Variants in POU5F2 observed in about 807,000 individuals in gnomAD.
POU5F2 encodes POU domain class 5, transcription factor 2.
For synonymous variants in POU5F2, 191 were observed against 178.7 expected (o/e 1.07, Z -0.55); for missense variants, 401 against 426.6 (o/e 0.94, Z 0.53).
Position 93,739,365 on chromosome 5 carries a change from G to T in POU5F2, c.*1212C>A, listed in dbSNP as rs973627581. 2 of 151,966 alleles carry T rather than the reference G, an allele frequency of 1.3e-5. No individual in the cohort carries two copies. The highest frequency in any genetic ancestry group is 6.6e-5 in the Admixed American group (1 of 15,258). The allele number at this position is 151,966 out of a possible 1,614,324, so 9.4% of individuals were successfully genotyped here. ...GAATGAAGTAAAAATTAATTAACTA[G>T]GGAATAAAAATTGTAGTAAGTAGAA... On this transcript the variant is annotated 3_prime_UTR_variant, in exon 1 of 1. Coordinates refer to ENST00000606183, the MANE Select transcript of POU5F2 (RefSeq NM_153216.2).
chr5:93,741,212 C>T lies in POU5F2; in HGVS notation c.352G>A (p.Asp118Asn). 6.2e-7 allele frequency: 1 copy of T among 1,613,872 alleles called. No individual in the cohort carries two copies. The highest frequency in any genetic ancestry group is 8.5e-7 in the Non-Finnish European group (1 of 1,179,884). ...RSIPKLPPPE[D>N]ISGILKELQQ... ...AACTCTTTCAGTATGCCCGAGATGT[C>T]CTCTGGCGGCGGCAACTTCGGAATG... The change falls in exon 1 of 1, where the codon GAC becomes AAC. Residue 118 changes from aspartate (D) to asparagine (N), a missense_variant. Asp to Asn is a conservative substitution (Grantham distance 23). Coordinates refer to ENST00000606183, the MANE Select transcript of POU5F2 (RefSeq NM_153216.2).
Position 93,740,918 on chromosome 5 carries a change from T to C in POU5F2, c.646A>G (p.Ser216Gly), listed in dbSNP as rs1748287997. The change falls in exon 1 of 1, where the codon AGC becomes GGC. Residue 216 changes from serine (S) to glycine (G), a missense_variant. Transcript: ENST00000606183. ...LQQSGKWRRA[S>G]RERRIGNSLE... ...CTGTTTCCGATTCGTCGCTCTCTGC[T>C]TGCCCGTCTCCACTTCCCAGACTGT... The C allele has an allele frequency of 6.2e-7, 1 of 1,614,006 alleles. No individual in the cohort carries two copies. Among genetic ancestry groups the C allele is most frequent in the Non-Finnish European group, 8.5e-7 (1 of 1,179,886 alleles).
Position 93,741,262 on chromosome 5 carries a change from G to C in POU5F2, c.302C>G (p.Pro101Arg), listed in dbSNP as rs550301121. The change falls in exon 1 of 1, where the codon CCG becomes CGG. Residue 101 changes from proline to arginine, a missense_variant. Physicochemically the swap from Pro to Arg is moderately radical, Grantham distance 103. Transcript: ENST00000606183. ...GCTCCGCAGGGCAATGTAGGGCCCC[G>C]GGAGGGCGCCTTCGGAGGGGCGTCG... ...WLRRPSEGALPGPYIALRSIP... is the reference protein window; with the variant it reads ...WLRRPSEGALRGPYIALRSIP... The C allele has an allele frequency of 1.4e-5, 23 of 1,613,848 alleles. No individual in the cohort carries two copies. In the South Asian group the frequency reaches 2.5e-4, roughly 18 times the overall value.
At chr5:93,740,753 CATTG>C in the POU5F2 span, 2 of 1,612,390 alleles carry the variant, frequency 1.2e-6, no homozygotes. Flanking sequence ...GGGGAAGCAT[CATTG>C]GTTGGTCGAC....
rs1330610337 is a variant in POU5F2, at chr5:93,735,181, C to T, written c.*5396G>A. On this transcript the variant is annotated 3_prime_UTR_variant, in exon 1 of 1. Coordinates refer to ENST00000606183, the MANE Select transcript of POU5F2 (RefSeq NM_153216.2). Reference sequence around the variant, plus strand: ...GTAGTTATTCTTCTGTTTAAGGGATCTTCTGATTAAAGTTTCTACATATCA... The same window carrying T: ...GTAGTTATTCTTCTGTTTAAGGGATTTTCTGATTAAAGTTTCTACATATCA... 2 of 152,170 alleles carry T rather than the reference C, an allele frequency of 1.3e-5. No homozygotes were observed. The highest frequency in any genetic ancestry group is 2.9e-5 in the Non-Finnish European group (2 of 68,038). 9.4% of individuals were successfully genotyped at this position (152,170 alleles called of 1,614,324 possible).
Position 93,735,061 on chromosome 5 carries a change from T to C in POU5F2, c.*5516A>G, listed in dbSNP as rs958048089. 7 of 152,268 alleles carry C rather than the reference T, an allele frequency of 4.6e-5. No individual in the cohort carries two copies. Among genetic ancestry groups the C allele is most frequent in the African/African-American group, 1.7e-4 (7 of 41,466 alleles). 9.4% of individuals were successfully genotyped at this position (152,268 alleles called of 1,614,324 possible). On this transcript the variant is annotated 3_prime_UTR_variant, in exon 1 of 1. Transcript: ENST00000606183. ...CATGAGCCACCGCACCTGGCCAATG[T>C]ATCTTGGTTGATTTCTTATGTTACT...
Position 93,741,415 on chromosome 5 carries a change from A to C in POU5F2, c.149T>G (p.Val50Gly). Residue 50 changes from valine to glycine, a missense_variant, in exon 1 of 1, where the codon GTC (valine) becomes GGC (glycine). By Grantham distance (109) the Val-to-Gly change is moderately radical. Coordinates refer to ENST00000606183, the MANE Select transcript of POU5F2 (RefSeq NM_153216.2). Reference sequence around the variant, plus strand: ...AGGGCCTGGGCAGATCCCTGGCCTGACTGCCGGCCAGACCATCACCCTGCC... The same window carrying C: ...AGGGCCTGGGCAGATCCCTGGCCTGCCTGCCGGCCAGACCATCACCCTGCC... ...APGRVMVWPA[V>G]RPGICPGPDV... 1 of 1,613,342 alleles carries C rather than the reference A, an allele frequency of 6.2e-7. No individual in the cohort carries two copies. Among genetic ancestry groups the C allele is most frequent in the South Asian group, 1.1e-5 (1 of 91,062 alleles).
rs369080417 is a variant in POU5F2, at chr5:93,740,823, G to C, written c.741C>G (p.Leu247=). The C allele has an allele frequency of 6.2e-7, 1 of 1,613,828 alleles. No individual in the cohort carries two copies. The highest frequency in any genetic ancestry group is 2.2e-5 in the East Asian group (1 of 44,874). Residue 247 remains leucine (L), a synonymous_variant, in exon 1 of 1, where the codon CTC becomes CTG. Transcript: ENST00000606183. The stretch of plus-strand genomic sequence containing the variant: ...CTCGAACCACATCCTTCTGCAGCTG[G>C]AGGCACCCAGCAATGTGGCTGATTT... ...PQQISHIAGC[L]QLQKDVVRVW... is the part of the protein sequence containing the mutation.
Position 93,741,368 on chromosome 5 carries a change from C to G in POU5F2, c.196G>C (p.Gly66Arg). Residue 66 changes from glycine (G) to arginine (R), a missense_variant, in exon 1 of 1, where the codon GGT becomes CGT. Gly to Arg is a moderately radical substitution (Grantham distance 125). Transcript: ENST00000606183. ...CCCCGGAATTCGTGTGGCAGGGGACCCAGGGGAATCCTCCACACGTCAGGG... is the reference window on the plus strand; with the variant it reads ...CCCCGGAATTCGTGTGGCAGGGGACGCAGGGGAATCCTCCACACGTCAGGG... ...PGPDVWRIPL[G>R]PLPHEFRGWI... The G allele has an allele frequency of 6.2e-7, 1 of 1,611,690 alleles. No individual in the cohort carries two copies. The highest frequency in any genetic ancestry group is 8.5e-7 in the Non-Finnish European group (1 of 1,178,722).
chr5:93,738,613 A>G lies in POU5F2; in HGVS notation c.*1964T>C, dbSNP rs1430657801. On this transcript the variant is annotated 3_prime_UTR_variant, in exon 1 of 1. Transcript: ENST00000606183. ...ATGTGGTATATATCCATACAATGGA[A>G]TATTATTCAGTCATAAAAAAGGAAT... The G allele has an allele frequency of 1.3e-5, 2 of 152,262 alleles. No homozygotes were observed. Among genetic ancestry groups the G allele is most frequent in the African/African-American group, 4.8e-5 (2 of 41,474 alleles). 9.4% of individuals were successfully genotyped at this position (152,262 alleles called of 1,614,324 possible). A position where few individuals can be genotyped will look rare whatever the true frequency, so the allele number is the denominator to read the frequency against.
Position 93,736,944 on chromosome 5 carries a change from T to C in POU5F2, c.*3633A>G, listed in dbSNP as rs1747341876. 1 of 152,148 alleles carries C rather than the reference T, an allele frequency of 6.6e-6. No individual in the cohort carries two copies. The highest frequency in any genetic ancestry group is 2.4e-5 in the African/African-American group (1 of 41,438). 9.4% of individuals were successfully genotyped at this position (152,148 alleles called of 1,614,324 possible). On this transcript the variant is annotated 3_prime_UTR_variant, in exon 1 of 1. Coordinates refer to ENST00000606183, the MANE Select transcript of POU5F2 (RefSeq NM_153216.2). ...CTTTTATACAACACAGTACTACACA[T>C]TTTTGCCAGAGCAAGTGAGTAAGAA...
rs573289574 is a variant in POU5F2, at chr5:93,733,606, A to G, written c.*6971T>C. 1 of 152,312 alleles carries G rather than the reference A, an allele frequency of 6.6e-6. No homozygotes were observed. Among genetic ancestry groups the G allele is most frequent in the Non-Finnish European group, 1.5e-5 (1 of 68,018 alleles). 9.4% of individuals were successfully genotyped at this position (152,312 alleles called of 1,614,324 possible). A position where few individuals can be genotyped will look rare whatever the true frequency, so the allele number is the denominator to read the frequency against. ...TGAATTACCTAACAGCCTTTCATGA[A>G]GGTTGCACCAATTCACTTTCCAATA... On this transcript the variant is annotated 3_prime_UTR_variant, in exon 1 of 1. Transcript: ENST00000606183.
chr5:93,739,966 C>G lies in POU5F2; in HGVS notation c.*611G>C, dbSNP rs1295523550. 1 of 140,744 alleles carries G rather than the reference C, an allele frequency of 7.1e-6. No individual in the cohort carries two copies. The highest frequency in any genetic ancestry group is 7.5e-5 in the Admixed American group (1 of 13,250). The allele number at this position is 140,744 out of a possible 1,614,324, so 8.7% of individuals were successfully genotyped here. On this transcript the variant is annotated 3_prime_UTR_variant, in exon 1 of 1. Coordinates refer to ENST00000606183, the MANE Select transcript of POU5F2 (RefSeq NM_153216.2). ...GAGGAACTGAGACCCTGACATGAAG[C>G]TGGGGCACCAGAAATGAAAAGGTAA...
In POU5F2 at chr5:93,737,851, G is replaced by A. The variant is rs1337408863; in HGVS notation, c.*2726C>T. ...AAAAATTAACTTGAAATGGATCAAA[G>A]TCCTAAATTTAATAAATAAAACTGT... On this transcript the variant is annotated 3_prime_UTR_variant, in exon 1 of 1. Coordinates refer to ENST00000606183, the MANE Select transcript of POU5F2 (RefSeq NM_153216.2). The A allele has an allele frequency of 9.4e-6, 4 of 424,038 alleles. No homozygotes were observed. The highest frequency in any genetic ancestry group is 8.4e-5 in the African/African-American group (4 of 47,734). The allele number at this position is 424,038 out of a possible 1,614,324, so 26.3% of individuals were successfully genotyped here.
In POU5F2 at chr5:93,735,342, C is replaced by T. The variant is rs1013414717; in HGVS notation, c.*5235G>A. The T allele has an allele frequency of 6.6e-6, 1 of 152,194 alleles. No homozygotes were observed. Among genetic ancestry groups the T allele is most frequent in the Non-Finnish European group, 1.5e-5 (1 of 68,048 alleles). 9.4% of individuals were successfully genotyped at this position (152,194 alleles called of 1,614,324 possible). On this transcript the variant is annotated 3_prime_UTR_variant, in exon 1 of 1. Transcript: ENST00000606183. The stretch of plus-strand genomic sequence containing the variant: ...AATTATGTGAAGCTGATTAGTGACA[C>T]ATAGAGGCTTTGCCTAAGCAGAGGT...
chr5:93,734,778 A>T lies in POU5F2; in HGVS notation c.*5799T>A, dbSNP rs1746850631. ...TAAAGGTATCAATGGCATCTTAGTT[A>T]TTGAAATGATATGGCTTAGTAGATT... is the stretch of plus-strand genomic sequence containing the variant. On this transcript the variant is annotated 3_prime_UTR_variant, in exon 1 of 1. Coordinates refer to ENST00000606183, the MANE Select transcript of POU5F2 (RefSeq NM_153216.2). 6.6e-6 allele frequency: 1 copy of T among 152,014 alleles called. No individual in the cohort carries two copies. The highest frequency in any genetic ancestry group is 2.4e-5 in the African/African-American group (1 of 41,408). The allele number at this position is 152,014 out of a possible 1,614,324, so 9.4% of individuals were successfully genotyped here. A position where few individuals can be genotyped will look rare whatever the true frequency, so the allele number is the denominator to read the frequency against.
rs926998791 is a variant in POU5F2 at position 93,737,663 on chromosome 5, G to C, written c.*2914C>G. 4.5e-6 allele frequency: 1 copy of C among 220,010 alleles called. No individual in the cohort carries two copies. The highest frequency in any genetic ancestry group is 9.2e-6 in the Non-Finnish European group (1 of 108,746). The allele number at this position is 220,010 out of a possible 1,614,324, so 13.6% of individuals were successfully genotyped here. A position where few individuals can be genotyped will look rare whatever the true frequency, so the allele number is the denominator to read the frequency against. ...ACATATAGACCAACAGAAGAGAGTTGAGAGCCCAGAAATAATCCCTCACAT... is the reference window on the plus strand; with the variant it reads ...ACATATAGACCAACAGAAGAGAGTTCAGAGCCCAGAAATAATCCCTCACAT... On this transcript the variant is annotated 3_prime_UTR_variant, in exon 1 of 1. Coordinates refer to ENST00000606183, the MANE Select transcript of POU5F2 (RefSeq NM_153216.2).
chr5:93,738,871 T>A lies in POU5F2; in HGVS notation c.*1706A>T, dbSNP rs1225794433. The A allele has an allele frequency of 6.6e-6, 1 of 152,190 alleles. No individual in the cohort carries two copies. Among genetic ancestry groups the A allele is most frequent in the Non-Finnish European group, 1.5e-5 (1 of 68,020 alleles). The allele number at this position is 152,190 out of a possible 1,614,324, so 9.4% of individuals were successfully genotyped here. On this transcript the variant is annotated 3_prime_UTR_variant, in exon 1 of 1. Transcript: ENST00000606183. Reference sequence around the variant, plus strand: ...TGTTGGAAATGGATAGTGGTGATGGTTGCCTAACATTGTGAATGTAATTAA... The same window carrying A: ...TGTTGGAAATGGATAGTGGTGATGGATGCCTAACATTGTGAATGTAATTAA...
rs1748104937 is a variant in POU5F2, at chr5:93,740,260, C to A, written c.*317G>T. The A allele has an allele frequency of 4.3e-6, 1 of 232,148 alleles. No individual in the cohort carries two copies. Among genetic ancestry groups the A allele is most frequent in the Non-Finnish European group, 8.4e-6 (1 of 119,540 alleles). The allele number at this position is 232,148 out of a possible 1,614,324, so 14.4% of individuals were successfully genotyped here. On this transcript the variant is annotated 3_prime_UTR_variant, in exon 1 of 1. Coordinates refer to ENST00000606183, the MANE Select transcript of POU5F2 (RefSeq NM_153216.2). ...ATTTAAACCCTATGTTTACTGATAA[C>A]CACAAGGAATAACAGACACAATATT... is the stretch of plus-strand genomic sequence containing the variant.
Sources: allele counts gnomAD v4.1 joint callset, GRCh38; gene constraint gnomAD v4.1.1; transcripts MANE v1.5; gene names NCBI Gene and HGNC (gene_info 2026-07-23, HGNC 2026-07-21).